TRIT1: variants seen among roughly 807,000 people sequenced by gnomAD.
TRIT1 encodes the protein tRNA dimethylallyltransferase.
A neutral mutation model predicts 51.2 loss-of-function variants in TRIT1; 43 were observed. The ratio of observed to expected loss-of-function variants is 0.84; its 90% CI spans 0.66 to 1.08. The LOEUF (loss-of-function observed/expected upper bound fraction) is 1.08, where lower values mean the gene tolerates loss of function less well. Among genes scored for constraint, TRIT1 ranks in the 50% least tolerant of loss-of-function variants. The pLI is 0.00. For missense variants in TRIT1, 528 were observed against 578.4 expected (o/e 0.91, Z 0.89); for synonymous variants, 184 against 203.9 (o/e 0.90, Z 0.83).
chr1:39,862,870 T>C, intron 1 of TRIT1: 1 of 985,448 alleles, frequency 1.0e-6, no homozygotes, highest in Non-Finnish European at 1.2e-6. Context: ...AAAGGATCTG[T>C]GTTATCTTTC....
At chr1:39,850,732 T>G (rs1361111048) in intron 4 of TRIT1, among the ~76,000 whole-genome samples, 1 of 152,220 alleles carries the variant, frequency 6.6e-6, no homozygotes, top group Non-Finnish European at 1.5e-5. Flanking sequence ...ACTCACTCAC[T>G]TTCAGATAAA....
In TRIT1 at chr1:39,847,293, A is replaced by G; in HGVS notation, c.933T>C (p.Ile311=). 6.2e-7 allele frequency: 1 copy of G among 1,614,092 alleles called. No homozygotes were observed. The highest frequency in any genetic ancestry group is 8.5e-7 in the Non-Finnish European group (1 of 1,179,936). The change falls in exon 8 of 11, where the codon ATT becomes ATC. Residue 311 remains isoleucine (I), a synonymous_variant. Transcript: ENST00000316891. The part of the protein sequence containing the change: ...ETSNQLLKKG[I]EALKQVTKRY... Reference sequence around the variant, plus strand: ...TCTTAGTTACTTGTTTCAGAGCCTCAATACCTGAAAGATACAGTAGATTTA... The same window carrying G: ...TCTTAGTTACTTGTTTCAGAGCCTCGATACCTGAAAGATACAGTAGATTTA...
At chr1:39,867,683 G>A (rs1316789356) in intron 1 of TRIT1, among the ~76,000 whole-genome samples, 1 of 152,162 alleles carries the variant, frequency 6.6e-6, no homozygotes, top group African/African-American at 2.4e-5. Context: ...GAGAAGCTCT[G>A]CATCCAGTCC....
intron 5 of TRIT1, among the ~76,000 whole-genome samples, chr1:39,849,721 A>G (rs1279743278): frequency 6.6e-6 from 1 of 152,256 alleles, no homozygotes; most frequent in South Asian, 2.1e-4. Flanking sequence ...ATTATACTTT[A>G]GCAACAAAAT....
chr1:39,867,327 T>A (rs752955915), intron 1 of TRIT1, among the ~76,000 whole-genome samples: 2 of 152,186 alleles, frequency 1.3e-5, no homozygotes. Flanking sequence ...GTATTTTTAG[T>A]AGAGACGGGG....
At chr1:39,861,923 CAAAA>C (rs60007826) in intron 1 of TRIT1, among the ~76,000 whole-genome samples, 2 of 68,404 alleles carry the variant, frequency 2.9e-5, no homozygotes, top group Admixed American at 1.7e-4. Context: ...GGCTCTGTCT[CAAAA>C]AAAAAAAAAA....
intron 5 of TRIT1, among the ~76,000 whole-genome samples, chr1:39,848,741 T>C (rs1451360823): frequency 6.6e-6 from 1 of 151,550 alleles, no homozygotes; most frequent in Admixed American, 6.6e-5. Flanking sequence ...GAGAATCGCT[T>C]GAACCCGGGA....
rs767197950 is a variant in TRIT1 at position 39,847,566 on chromosome 1, T to C, written c.910A>G (p.Asn304Asp). ...TTCACACCTTTCTTTAGAAGCTGGT[T>C]ACTAGTCTCCAGTGTGCATTTTCCC... Reference protein sequence around the residue: ...TEGKCTLETSNQLLKKGIEAL... With the variant: ...TEGKCTLETSDQLLKKGIEAL... Residue 304 changes from asparagine (N) to aspartate (D), a missense_variant, in exon 7 of 11, where the codon AAC becomes GAC. Asn to Asp is a conservative substitution (Grantham distance 23). Around this residue, in one of 3 missense-constraint regions of TRIT1, gnomAD observed 468 missense variants for 522.6 expected, o/e 0.90. Coordinates refer to ENST00000316891, the MANE Select transcript of TRIT1 (RefSeq NM_017646.6). 62 of 1,614,120 alleles carry C rather than the reference T, an allele frequency of 3.8e-5. No homozygotes were observed. The highest frequency in any genetic ancestry group is 4.9e-5 in the Non-Finnish European group (58 of 1,180,044).
At chr1:39,869,027 T>C (rs1643713250) in intron 1 of TRIT1, among the ~76,000 whole-genome samples, 1 of 152,076 alleles carries the variant, frequency 6.6e-6, no homozygotes, top group Non-Finnish European at 1.5e-5. Context: ...GCCACTGCAC[T>C]TCAGCCTGGG....
At chr1:39,844,413 C>A in intron 9 of TRIT1, 118 bp downstream of exon 9, 1 of 901,368 alleles carries the variant, frequency 1.1e-6, no homozygotes, top group East Asian at 2.6e-5. Context: ...AAGCAGCCAG[C>A]CCTTCTGCTT....
rs1267940931 is a variant in TRIT1 at position 39,883,497 on chromosome 1, G to A, written c.-6C>T. The A allele has an allele frequency of 1.9e-6, 3 of 1,589,852 alleles. No individual in the cohort carries two copies. Among genetic ancestry groups the A allele is most frequent in the East Asian group, 2.3e-5 (1 of 44,080 alleles). On this transcript the variant is annotated 5_prime_UTR_variant, in exon 1 of 11. Coordinates refer to ENST00000316891, the MANE Select transcript of TRIT1 (RefSeq NM_017646.6). The stretch of plus-strand genomic sequence containing the variant: ...GCAGCCGCCACGGACGCCATCTTAT[G>A]GCAGTCTGCGCTTGCGCCGGAGCAG...
chr1:39,873,924 A>C (rs1260298782), intron 1 of TRIT1, among the ~76,000 whole-genome samples: 1 of 152,134 alleles, frequency 6.6e-6, no homozygotes, highest in African/African-American at 2.4e-5. Flanking sequence ...CTGGGGCAGG[A>C]GAATTGCTTG....
chr1:39,845,906 G>A (rs904962422), intron 8 of TRIT1, among the ~76,000 whole-genome samples: 3 of 152,150 alleles, frequency 2.0e-5, no homozygotes, highest in African/African-American at 7.2e-5. Context: ...CACGAATGAG[G>A]AACAGGCATA....
At chr1:39,843,509 G>C (rs143560649) in intron 10 of TRIT1, among the ~76,000 whole-genome samples, 4 of 152,204 alleles carry the variant, frequency 2.6e-5, no homozygotes, top group South Asian at 2.1e-4. Flanking sequence ...GCCCTGAGGT[G>C]GTGGGGAACT....
rs375154467 is a variant in TRIT1 at position 39,844,183 on chromosome 1, T to C, written c.1152A>G (p.Pro384=). The C allele has an allele frequency of 2.7e-5, 43 of 1,614,106 alleles. No individual in the cohort carries two copies. The highest frequency in any genetic ancestry group is 4.0e-5 in the African/African-American group (3 of 74,954). The change falls in exon 10 of 11, where the codon CCA becomes CCG. Residue 384 remains proline (P), a synonymous_variant. Transcript: ENST00000316891. Reference sequence around the variant, plus strand: ...TTCTCTTGTTCTCAGCTTCATTGTATGGCATCTTTATTGGAGTGGCTGTAG... The same window carrying C: ...TTCTCTTGTTCTCAGCTTCATTGTACGGCATCTTTATTGGAGTGGCTGTAG... The part of the protein sequence containing the change: ...HKPTATPIKM[P]YNEAENKRSY...
intron 2 of TRIT1, among the ~76,000 whole-genome samples, chr1:39,855,395 T>C (rs976343210): frequency 6.6e-5 from 10 of 152,186 alleles, no homozygotes; most frequent in Non-Finnish European, 1.5e-4. Context: ...AAATTAAGTA[T>C]AGGGAGCATA....
chr1:39,855,200 T>C (rs1642825940), intron 2 of TRIT1, among the ~76,000 whole-genome samples: 1 of 152,086 alleles, frequency 6.6e-6, no homozygotes, highest in Non-Finnish European at 1.5e-5. Flanking sequence ...AAATAATCAT[T>C]TACACATTTC....
intron 1 of TRIT1, among the ~76,000 whole-genome samples, chr1:39,858,299 A>C (rs1040247922): frequency 6.6e-6 from 1 of 152,204 alleles, no homozygotes; most frequent in African/African-American, 2.4e-5. Context: ...AAATAAGTAC[A>C]GTACAGTGTA....
chr1:39,850,795 G>C (rs1642517165), intron 4 of TRIT1, among the ~76,000 whole-genome samples: 1 of 152,166 alleles, frequency 6.6e-6, no homozygotes, highest in South Asian at 2.1e-4. Context: ...AGTCTGGTCT[G>C]GCTGGCGTGC....
Sources: allele counts gnomAD v4.1 joint callset (sites outside exome capture counted in the v4.1 genomes callset), GRCh38; gene constraint gnomAD v4.1.1; regional missense constraint gnomAD v4.1.1; transcripts MANE v1.5; gene names NCBI Gene and HGNC (gene_info 2026-07-23, HGNC 2026-07-21).